NSD1: variants seen among roughly 807,000 people sequenced by gnomAD.
NSD1 encodes nuclear receptor binding SET domain protein 1, also known as histone-lysine N-methyltransferase, H3 lysine-36 specific.
A neutral mutation model predicts 242.7 loss-of-function variants in NSD1; 26 were observed. That is an observed-to-expected ratio of 0.11 (90% CI 0.08 to 0.15). NSD1 has a LOEUF of 0.15. NSD1 is among the 10% of genes least tolerant of loss of function. The pLI is 1.00. For missense variants in NSD1, 2,495 were observed against 3,272.8 expected, an observed-to-expected ratio of 0.76 and a Z score of 5.80; for synonymous variants, 1,106 against 1,178.1, an observed-to-expected ratio of 0.94 and a Z score of 1.25.
intron 17 of NSD1, among the ~76,000 whole-genome samples, chr5:177,277,934 G>C (rs373129718): frequency 2.6e-5 from 4 of 152,174 alleles, no homozygotes; most frequent in Non-Finnish European, 5.9e-5. Flanking sequence ...AAAATATTTC[G>C]AATCAGAAGT....
At chr5:177,204,747 A>T (rs1472056241) in intron 4 of NSD1, among the ~76,000 whole-genome samples, 1 of 152,102 alleles carries the variant, frequency 6.6e-6, no homozygotes, top group Non-Finnish European at 1.5e-5. Context: ...AATATCTGTG[A>T]GAAAAGAGCT....
intron 2 of NSD1, among the ~76,000 whole-genome samples, chr5:177,158,294 TTTCTTTC>T (rs1252362492): frequency 1.0e-3 from 24 of 23,690 alleles, no homozygotes; most frequent in African/African-American, 8.4e-3. Context: ...TCTTTCTTTC[TTTCTTTC>T]TTTTCTTTCT....
intron 5 of NSD1, among the ~76,000 whole-genome samples, chr5:177,235,347 A>C (rs1765360263): frequency 6.6e-6 from 1 of 152,232 alleles, no homozygotes; most frequent in African/African-American, 2.4e-5. Context: ...TCCCATCCCC[A>C]AGATAACTTA....
At chr5:177,247,376 G>A (rs999586642) in intron 10 of NSD1, among the ~76,000 whole-genome samples, 9 of 152,084 alleles carry the variant, frequency 5.9e-5, no homozygotes, top group East Asian at 1.9e-4. Flanking sequence ...GTAGTGAGCC[G>A]AAATCATGCC....
intron 2 of NSD1, among the ~76,000 whole-genome samples, chr5:177,181,258 C>T (rs1278230504): frequency 2.0e-5 from 3 of 151,708 alleles, no homozygotes; most frequent in Non-Finnish European, 4.4e-5. Flanking sequence ...ACTCCATCCT[C>T]GGTGACAGTG....
chr5:177,211,693 A>G lies in NSD1; in HGVS notation c.3294A>G (p.Thr1098=), dbSNP rs1763356227. Residue 1098 remains threonine, a synonymous_variant, in exon 5 of 23, where the codon ACA becomes ACG. Transcript: ENST00000439151. ...EDPLQIMGHL[T]SEDGDHFSDV... The stretch of plus-strand genomic sequence containing the variant: ...CCCTTCAGATAATGGGCCACTTAAC[A>G]AGTGAAGATGGTGACCATTTTTCTG... The G allele has an allele frequency of 1.9e-6, 3 of 1,614,010 alleles. No homozygotes were observed. Among genetic ancestry groups the G allele is most frequent in the Non-Finnish European group, 2.5e-6 (3 of 1,180,028 alleles).
At chr5:177,256,405 C>T (rs1376203116) in intron 12 of NSD1, among the ~76,000 whole-genome samples, 1 of 151,066 alleles carries the variant, frequency 6.6e-6, no homozygotes, top group Non-Finnish European at 1.5e-5. Flanking sequence ...GCCTCAGCCT[C>T]TTGAGTAGCT....
At chr5:177,236,387 A>T (rs1765437508) in intron 6 of NSD1, among the ~76,000 whole-genome samples, 1 of 152,226 alleles carries the variant, frequency 6.6e-6, no homozygotes, top group South Asian at 2.1e-4. Flanking sequence ...ATTTTCCTTT[A>T]TAATCAATTT....
chr5:177,272,123 C>A (rs1443807833), intron 16 of NSD1, among the ~76,000 whole-genome samples: 1 of 150,026 alleles, frequency 6.7e-6, no homozygotes, highest in Non-Finnish European at 1.5e-5. Flanking sequence ...TCCACCCACC[C>A]CTCCCCGCCC....
intron 2 of NSD1, among the ~76,000 whole-genome samples, chr5:177,141,319 C>A (rs1322878744): frequency 1.0e-5 from 1 of 97,036 alleles, no homozygotes; most frequent in Non-Finnish European, 1.9e-5. Context: ...CGCGCGCAGC[C>A]TTTTTTTTTT....
intron 5 of NSD1, among the ~76,000 whole-genome samples, chr5:177,215,693 A>T: frequency 6.6e-6 from 1 of 151,164 alleles, no homozygotes. Context: ...TGGTTTTGCC[A>T]TGTTAGCCAG....
chr5:177,214,661 G>A (rs1357734611), intron 5 of NSD1, among the ~76,000 whole-genome samples: 1 of 131,934 alleles, frequency 7.6e-6, no homozygotes, highest in African/African-American at 2.9e-5. Flanking sequence ...GCATATGACA[G>A]GATCACCTTT....
chr5:177,187,908 G>A (rs571075346), intron 2 of NSD1, among the ~76,000 whole-genome samples: 2 of 152,250 alleles, frequency 1.3e-5, no homozygotes, highest in South Asian at 4.1e-4. Context: ...TAGAGTGGCA[G>A]TGTACACAGA....
At chr5:177,265,091 G>A (rs989105586) in intron 14 of NSD1, 1 of 752,728 alleles carries the variant, frequency 1.3e-6, no homozygotes, top group Non-Finnish European at 2.4e-6. Flanking sequence ...AACATGTGAA[G>A]GAAAATGATC....
intron 3 of NSD1, among the ~76,000 whole-genome samples, chr5:177,194,579 CTTTTTTTTTTTT>C (rs1200627969): frequency 2.3e-5 from 2 of 88,572 alleles, no homozygotes; most frequent in Non-Finnish European, 4.4e-5. Context: ...CACCATGCCT[CTTTTTTTTTTTT>C]TTTTTTTTTT....
chr5:177,176,044 T>C (rs1418408672), intron 2 of NSD1, among the ~76,000 whole-genome samples: 1 of 152,024 alleles, frequency 6.6e-6, no homozygotes, highest in East Asian at 1.9e-4. Context: ...CCCAGCTAAT[T>C]TTTGTAGTTT....
chr5:177,246,651 C>A, intron 9 of NSD1, 27 bp from the exon 10 acceptor site: 1 of 1,471,514 alleles, frequency 6.8e-7, no homozygotes, highest in Non-Finnish European at 9.5e-7. Flanking sequence ...TAGTAGCCAG[C>A]AGTTAACACC....
chr5:177,285,587 A>AT (rs1554205294), intron 20 of NSD1, among the ~76,000 whole-genome samples: 13 of 149,246 alleles, frequency 8.7e-5, no homozygotes, highest in African/African-American at 3.3e-4. Context: ...AAAAAAAAAA[A>AT]TTTGTATAAA....
At chr5:177,194,694 CTTTTTTTTTTT>C (rs771213970) in intron 3 of NSD1, among the ~76,000 whole-genome samples, 4 of 49,028 alleles carry the variant, frequency 8.2e-5, no homozygotes, top group Admixed American at 2.3e-4. Flanking sequence ...ATTTTAGTGT[CTTTTTTTTTTT>C]TTTTTTTTTT....
Sources: gnomAD v4.1 joint callset for allele counts (sites outside exome capture counted in the v4.1 genomes callset) on GRCh38, gnomAD v4.1.1 for gene constraint, MANE v1.5 for transcripts, NCBI Gene and HGNC (gene_info 2026-07-23, HGNC 2026-07-21) for gene names.